The following XRCC2 variants were observed in gnomAD, a reference collection of about 807,000 sequenced individuals.
XRCC2 encodes X-ray repair cross complementing 2.
XRCC2 carries 24 observed loss-of-function variants against 27.3 expected under a neutral mutation model. The ratio of observed to expected loss-of-function variants is 0.88; its 90% CI spans 0.64 to 1.24. XRCC2 has a LOEUF of 1.24. Among genes scored for constraint, XRCC2 ranks in the 50% most tolerant of loss-of-function variants. XRCC2 has a pLI of 0.00. For missense variants in XRCC2, 321 were observed against 325.8 expected, an observed-to-expected ratio of 0.99 and a Z score of 0.11; for synonymous variants, 106 against 115.4, an observed-to-expected ratio of 0.92 and a Z score of 0.52.
intron 1 of XRCC2, among the ~76,000 whole-genome samples, chr7:152,663,407 A>T (rs2098034219): frequency 6.7e-6 from 1 of 149,520 alleles, no homozygotes; most frequent in African/African-American, 2.4e-5. Context: ...CCTTGAGTAC[A>T]CTTTAAAAAA....
In XRCC2 at chr7:152,646,210, C is replaced by T. The variant is rs896022864; in HGVS notation, c.*2432G>A. 2 of 152,104 alleles carry T rather than the reference C, an allele frequency of 1.3e-5. No homozygotes were observed. The highest frequency in any genetic ancestry group is 2.9e-5 in the Non-Finnish European group (2 of 68,040). 9.4% of individuals were successfully genotyped at this position (152,104 alleles called of 1,614,324 possible). On this transcript the variant is annotated 3_prime_UTR_variant, in exon 3 of 3. Transcript: ENST00000359321. ...AATGTTGATACTTTTCCCCTTCTCC[C>T]GGACAATGCAAGGACCTTAGCACAC...
At chr7:152,664,729 TAGAC>T (rs3218449) in intron 1 of XRCC2, among the ~76,000 whole-genome samples, 51 of 152,154 alleles carry the variant, frequency 3.4e-4, no homozygotes, top group African/African-American at 1.2e-3. Flanking sequence ...TTAGAGTAGG[TAGAC>T]AGACAGGTGT....
At chr7:152,671,839 G>T (rs1298524186) in intron 1 of XRCC2, among the ~76,000 whole-genome samples, 1 of 151,996 alleles carries the variant, frequency 6.6e-6, no homozygotes, top group Non-Finnish European at 1.5e-5. Flanking sequence ...CCCAGGAGTT[G>T]AGACCAGCCT....
chr7:152,652,045 C>T (rs1409084383), intron 2 of XRCC2, among the ~76,000 whole-genome samples: 2 of 151,570 alleles, frequency 1.3e-5, no homozygotes, highest in African/African-American at 4.8e-5. Context: ...GTAGCATGTG[C>T]CTACAGTCCC....
rs2098026184 is a variant in XRCC2, at chr7:152,646,852, T to C, written c.*1790A>G. On this transcript the variant is annotated 3_prime_UTR_variant, in exon 3 of 3. Coordinates refer to ENST00000359321, the MANE Select transcript of XRCC2 (RefSeq NM_005431.2). The stretch of plus-strand genomic sequence containing the variant: ...ACATTTTTTTAATCCAGTCTGTCAC[T>C]GATGGGCAGTGCTGCAACGAACATA... 2.0e-5 allele frequency: 3 copies of C among 152,258 alleles called. No homozygotes were observed. Among genetic ancestry groups the C allele is most frequent in the Non-Finnish European group, 4.4e-5 (3 of 68,060 alleles). 9.4% of individuals were successfully genotyped at this position (152,258 alleles called of 1,614,324 possible). A position where few individuals can be genotyped will look rare whatever the true frequency, so the allele number is the denominator to read the frequency against.
intron 2 of XRCC2, among the ~76,000 whole-genome samples, chr7:152,657,322 G>T (rs760498266): frequency 4.0e-5 from 6 of 151,536 alleles, no homozygotes; most frequent in African/African-American, 1.5e-4. Context: ...TTGTTTTTGC[G>T]ACAGTCTTGC....
chr7:152,666,112 TATTC>T (rs1391868909), intron 1 of XRCC2, among the ~76,000 whole-genome samples: 22 of 152,244 alleles, frequency 1.4e-4, no homozygotes, highest in Non-Finnish European at 5.9e-5. Flanking sequence ...TTTATAAAAA[TATTC>T]AATGTGTGTG....
chr7:152,654,366 C>G (rs1319813663), intron 2 of XRCC2, among the ~76,000 whole-genome samples: 4 of 151,996 alleles, frequency 2.6e-5, no homozygotes, highest in Non-Finnish European at 5.9e-5. Flanking sequence ...GATATATCCA[C>G]AGTTAGAAGA....
intron 1 of XRCC2, among the ~76,000 whole-genome samples, chr7:152,675,609 C>T (rs2098040582): frequency 6.6e-6 from 1 of 152,160 alleles, no homozygotes; most frequent in Non-Finnish European, 1.5e-5. Flanking sequence ...TCCGCAAACA[C>T]CACCTGTTCC....
At chr7:152,666,620 A>AT (rs35465219) in intron 1 of XRCC2, among the ~76,000 whole-genome samples, 36,359 of 142,180 alleles carry the variant, frequency 0.26, 4,874 homozygotes, top group Admixed American at 0.36. Context: ...CAGATTCTTT[A>AT]TTTTTTTTTT....
At chr7:152,657,960 GT>G (rs200730687) in intron 2 of XRCC2, among the ~76,000 whole-genome samples, 6,916 of 136,254 alleles carry the variant, frequency 0.051, 208 homozygotes, top group East Asian at 0.15. Context: ...TTTTGTCTTT[GT>G]TTTTTTTTTT....
chr7:152,669,958 A>G (rs2098037502), intron 1 of XRCC2, among the ~76,000 whole-genome samples: 1 of 151,980 alleles, frequency 6.6e-6, no homozygotes. Context: ...AAAGTACAAT[A>G]AAGTTAGGCA....
chr7:152,666,620 A>T (rs796468392), intron 1 of XRCC2, among the ~76,000 whole-genome samples: 1,981 of 142,244 alleles, frequency 0.014, 41 homozygotes, highest in African/African-American at 0.047. Flanking sequence ...CAGATTCTTT[A>T]TTTTTTTTTT....
chr7:152,650,469 G>A (rs1460942320), intron 2 of XRCC2, among the ~76,000 whole-genome samples: 2 of 152,194 alleles, frequency 1.3e-5, no homozygotes, highest in East Asian at 3.8e-4. Context: ...TGCTTCCAGA[G>A]CTTTTCAAAA....
In XRCC2 at chr7:152,646,414, G is replaced by A. The variant is rs976261156; in HGVS notation, c.*2228C>T. 5.9e-5 allele frequency: 9 copies of A among 151,900 alleles called. No individual in the cohort carries two copies. The highest frequency in any genetic ancestry group is 2.2e-4 in the African/African-American group (9 of 41,316). The allele number at this position is 151,900 out of a possible 1,614,324, so 9.4% of individuals were successfully genotyped here. On this transcript the variant is annotated 3_prime_UTR_variant, in exon 3 of 3. Coordinates refer to ENST00000359321, the MANE Select transcript of XRCC2 (RefSeq NM_005431.2). ...GCAGTATCTGGTTTTCTGTTCCTATGTTAGTTTGCTAAGGATAATAGCGTC... is the reference window on the plus strand; with the variant it reads ...GCAGTATCTGGTTTTCTGTTCCTATATTAGTTTGCTAAGGATAATAGCGTC...
chr7:152,648,238 C>A lies in XRCC2; in HGVS notation c.*404G>T, dbSNP rs2098026844. 6.5e-6 allele frequency: 1 copy of A among 154,596 alleles called. No individual in the cohort carries two copies. Among genetic ancestry groups the A allele is most frequent in the African/African-American group, 2.4e-5 (1 of 41,168 alleles). 9.6% of individuals were successfully genotyped at this position (154,596 alleles called of 1,614,324 possible). On this transcript the variant is annotated 3_prime_UTR_variant, in exon 3 of 3. Coordinates refer to ENST00000359321, the MANE Select transcript of XRCC2 (RefSeq NM_005431.2). ...CCTGGCCAACATGGTGAAACCCCGT[C>A]TCTATTAAAAATACAAAAATTAGCC...
chr7:152,649,262 C>G lies in XRCC2; in HGVS notation c.223G>C (p.Glu75Gln), dbSNP rs1327414828. The change falls in exon 3 of 3, where the codon GAA becomes CAA. Residue 75 changes from glutamate (E) to glutamine (Q), a missense_variant. Coordinates refer to ENST00000359321, the MANE Select transcript of XRCC2 (RefSeq NM_005431.2). ...GTATCAATAAATAAGACTTCTACTT[C>G]CAGGCCACCTTCTGATTTGGGAAGT... ...CILPKSEGGLEVEVLFIDTDY... is the reference protein window; with the variant it reads ...CILPKSEGGLQVEVLFIDTDY... 25 of 1,613,780 alleles carry G rather than the reference C, an allele frequency of 1.5e-5. No individual in the cohort carries two copies. The highest frequency in any genetic ancestry group is 1.9e-5 in the Non-Finnish European group (23 of 1,180,028).
chr7:152,653,479 A>G (rs926332175), intron 2 of XRCC2, among the ~76,000 whole-genome samples: 2 of 152,078 alleles, frequency 1.3e-5, no homozygotes, highest in Non-Finnish European at 2.9e-5. Context: ...ACTTTTTTTG[A>G]GACAGGGTCT....
intron 2 of XRCC2, among the ~76,000 whole-genome samples, chr7:152,659,051 T>C (rs549371729): frequency 2.0e-5 from 3 of 152,340 alleles, no homozygotes; most frequent in African/African-American, 7.2e-5. Flanking sequence ...CTCCATACTG[T>C]TTTCCATAAT....
Sources: allele counts gnomAD v4.1 joint callset (sites outside exome capture counted in the v4.1 genomes callset), GRCh38; gene constraint gnomAD v4.1.1; transcripts MANE v1.5; gene names NCBI Gene and HGNC (gene_info 2026-07-23, HGNC 2026-07-21).